The following SMIM36 variants were observed in gnomAD, a reference collection of about 807,000 sequenced individuals.
The protein encoded by SMIM36 is small integral membrane protein 36.
chr17:55,482,288 C>T (rs1014555351), intron 1 of SMIM36, among the ~76,000 whole-genome samples: 1 of 152,120 alleles, frequency 6.6e-6, no homozygotes, highest in Non-Finnish European at 1.5e-5. Flanking sequence ...ATACTCCCAC[C>T]GCATCCACAA....
chr17:55,456,689 TTGTG>T (rs1407645538), intron 4 of SMIM36, among the ~76,000 whole-genome samples: 2 of 152,214 alleles, frequency 1.3e-5, no homozygotes, highest in African/African-American at 4.8e-5. Flanking sequence ...CTGTGTTTGT[TTGTG>T]TTTCTCTTGA....
intron 1 of SMIM36, among the ~76,000 whole-genome samples, chr17:55,491,122 G>T (rs1260990132): frequency 1.3e-5 from 2 of 151,620 alleles, no homozygotes; most frequent in Middle Eastern, 3.4e-3. Context: ...TGGTGCTGTA[G>T]TTTCAGCTAC....
chr17:55,478,372 T>C (rs918793828), intron 3 of SMIM36, among the ~76,000 whole-genome samples: 1 of 151,962 alleles, frequency 6.6e-6, no homozygotes, highest in African/African-American at 2.4e-5. Context: ...TAGCTGGGAC[T>C]ACAGGTGCCA....
intron 1 of SMIM36, among the ~76,000 whole-genome samples, chr17:55,490,056 C>T (rs1337632218): frequency 2.0e-5 from 3 of 151,658 alleles, no homozygotes; most frequent in Admixed American, 6.6e-5. Context: ...AGGGTTTCAC[C>T]ATGTTAGCCA....
At chr17:55,502,044 TATATCCCA>T (rs1909997570) in intron 1 of SMIM36, among the ~76,000 whole-genome samples, 1 of 151,886 alleles carries the variant, frequency 6.6e-6, no homozygotes, top group African/African-American at 2.4e-5. Context: ...ACCACGAGAC[TATATCCCA>T]CACCTGGCTC....
intron 3 of SMIM36, among the ~76,000 whole-genome samples, chr17:55,470,587 A>G (rs1909325935): frequency 6.6e-6 from 1 of 152,076 alleles, no homozygotes; most frequent in South Asian, 2.1e-4. Flanking sequence ...CCACTTGCCC[A>G]GCTCCCTTAT....
chr17:55,519,203 T>C, the SMIM36 span, among the ~76,000 whole-genome samples: 1 of 152,126 alleles, frequency 6.6e-6, no homozygotes, highest in Non-Finnish European at 1.5e-5. Context: ...TAAATTGAGA[T>C]AGTAGTTCAA....
intron 1 of SMIM36, among the ~76,000 whole-genome samples, chr17:55,495,470 C>T (rs1232974727): frequency 1.3e-5 from 2 of 152,274 alleles, no homozygotes; most frequent in East Asian, 3.9e-4. Flanking sequence ...TTATAAAAAT[C>T]TCTGTATAAA....
chr17:55,502,502 C>T (rs1225204341), intron 1 of SMIM36, among the ~76,000 whole-genome samples: 1 of 108,546 alleles, frequency 9.2e-6, no homozygotes, highest in Non-Finnish European at 1.8e-5. Context: ...AACAGACCTG[C>T]AGCTGAGGGT....
At chr17:55,450,796 A>G (rs1291428165) in intron 4 of SMIM36, among the ~76,000 whole-genome samples, 1 of 152,214 alleles carries the variant, frequency 6.6e-6, no homozygotes, top group Non-Finnish European at 1.5e-5. Flanking sequence ...AACACTGGAG[A>G]GTCCACCAAC....
chr17:55,503,429 TAAAG>T (rs369932748), intron 1 of SMIM36, among the ~76,000 whole-genome samples: 19,992 of 127,786 alleles, frequency 0.16, 3,679 homozygotes, highest in African/African-American at 0.45. Flanking sequence ...TCAACATTCT[TAAAG>T]AAAAGAATTT....
the SMIM36 span, among the ~76,000 whole-genome samples, chr17:55,521,763 G>A: frequency 6.6e-6 from 1 of 152,190 alleles, no homozygotes; most frequent in Non-Finnish European, 1.5e-5. Context: ...AGAGGGAGGT[G>A]CAAGCACCAT....
chr17:55,480,976 T>G (rs1232833001), intron 1 of SMIM36, among the ~76,000 whole-genome samples: 1 of 152,184 alleles, frequency 6.6e-6, no homozygotes, highest in African/African-American at 2.4e-5. Flanking sequence ...ACAGTCATAG[T>G]AAAAAACTAG....
upstream of SMIM36, among the ~76,000 whole-genome samples, chr17:55,511,717 C>A (rs377670088): frequency 5.3e-5 from 8 of 152,138 alleles, no homozygotes; most frequent in African/African-American, 1.9e-4. Flanking sequence ...ATGATGACAG[C>A]TAAAAATTGG....
exon 1 of SMIM36, chr17:55,511,126 G>T (rs2144725290): frequency 5.0e-6 from 2 of 398,602 alleles, no homozygotes; most frequent in Non-Finnish European, 8.8e-6. Flanking sequence ...TGGCCAGTGG[G>T]GCCCAGCGAC....
chr17:55,505,815 A>G (rs1227077669), intron 1 of SMIM36, among the ~76,000 whole-genome samples: 1 of 120,566 alleles, frequency 8.3e-6, no homozygotes, highest in Non-Finnish European at 1.6e-5. Flanking sequence ...ATGATTGTAT[A>G]TCTAGAAAAC....
rs1909957998 is a variant in SMIM36 at position 55,501,327 on chromosome 17, ATATATAATATAT to A, written c.*174+9540_*174+9551del. 2.3e-5 allele frequency among the ~76,000 whole-genome samples: 2 copies of A among 87,502 alleles called. 1 individual carries two copies. Among genetic ancestry groups the A allele is most frequent in the African/African-American group, 9.3e-5 (2 of 21,430 alleles). The allele number at this position is 87,502 out of a possible 152,430, so 57.4% of individuals were successfully genotyped here. Reference sequence around the variant, plus strand: ...ATTATGTTATATATTATATTTTATAATATATAATATATTATATATTATATTTTATAATATATA... The same window carrying A: ...ATTATGTTATATATTATATTTTATAATATATATTATATTTTATAATATATA... On this transcript the variant is annotated intron_variant, in intron 1 of 4. Transcript: ENST00000636752.
At chr17:55,515,720 C>T (rs1372469825), upstream of SMIM36, among the ~76,000 whole-genome samples, 4 of 152,224 alleles carry the variant, frequency 2.6e-5, no homozygotes, top group Middle Eastern at 3.2e-3. Flanking sequence ...GACCCTCCCT[C>T]AGAGCCTCCA....
At chr17:55,525,640 T>C in the SMIM36 span, among the ~76,000 whole-genome samples, 1 of 152,220 alleles carries the variant, frequency 6.6e-6, no homozygotes, top group Admixed American at 6.5e-5. Flanking sequence ...ACTTTGTACA[T>C]AATGAAAGTG....
Sources: allele counts gnomAD v4.1 joint callset (sites outside exome capture counted in the v4.1 genomes callset), GRCh38; gene constraint gnomAD v4.1.1; transcripts MANE v1.5; gene names NCBI Gene and HGNC (gene_info 2026-07-23, HGNC 2026-07-21).